The following GLP1R variants were observed in gnomAD, a reference collection of about 807,000 sequenced individuals.
The protein encoded by GLP1R is glucagon like peptide 1 receptor, also known as glucagon-like peptide 1 receptor.
Under a neutral mutation model 68.4 loss-of-function variants are expected in GLP1R, and 32 were observed. That is an observed-to-expected ratio of 0.47 (90% CI 0.35 to 0.63). The LOEUF (loss-of-function observed/expected upper bound fraction) is 0.63. GLP1R is among the 20% of genes least tolerant of loss of function. The pLI is 0.00. For missense variants in GLP1R, 502 were observed against 594.9 expected, an observed-to-expected ratio of 0.84 and a Z score of 1.62; for synonymous variants, 263 against 244.4, an observed-to-expected ratio of 1.08 and a Z score of -0.71.
chr6:39,066,382 A>G lies in GLP1R; in HGVS notation c.509+79A>G, dbSNP rs1768519460. The G allele has an allele frequency of 4.0e-6, 3 of 751,848 alleles. No individual in the cohort carries two copies. The Admixed American group carries it at 6.3e-5, about 16-fold the overall frequency. The allele number at this position is 751,848 out of a possible 1,614,324, so 46.6% of individuals were successfully genotyped here. ...AGAGGAATGAAGCAGCCCAACACCA[A>G]ATCAAAGCAACAGTGCAGCACATTC... is the stretch of plus-strand genomic sequence containing the variant. On this transcript the variant is annotated intron_variant, in intron 5 of 12. Transcript: ENST00000373256.
chr6:39,079,169 A>G lies in GLP1R; in HGVS notation c.1012A>G (p.Asn338Asp). The G allele has an allele frequency of 6.2e-7, 1 of 1,613,932 alleles. No homozygotes were observed. Residue 338 changes from asparagine to aspartate, a missense_variant, in exon 10 of 13, where the codon AAT (asparagine) becomes GAT (aspartate). Physicochemically the swap from Asn to Asp is conservative, Grantham distance 23 (BLOSUM62 1). Coordinates refer to ENST00000373256, the MANE Select transcript of GLP1R (RefSeq NM_002062.5). The surrounding 1 kb of genome is among the most constrained non-coding windows in gnomAD (Gnocchi z 4.5). ...CATCGTGGTATCCAAACTGAAGGCC[A>G]ATCTCATGTGCAAGACAGACATCAA... ...ICIVVSKLKANLMCKTDIKCR... is the reference protein window; with the variant it reads ...ICIVVSKLKADLMCKTDIKCR...
At chr6:39,078,531 C>T in intron 8 of GLP1R, 149 bp downstream of exon 8, 1 of 675,798 alleles carries the variant, frequency 1.5e-6, no homozygotes, top group Non-Finnish European at 2.7e-6. Context: ...CTAATCTCCC[C>T]TCCCTGCCCC....
chr6:39,085,406 C>T (rs1244510504), intron 12 of GLP1R, among the ~76,000 whole-genome samples: 2 of 152,198 alleles, frequency 1.3e-5, no homozygotes, highest in Non-Finnish European at 2.9e-5. Context: ...TTCCCTCCCT[C>T]CTCCCCTGTG....
chr6:39,078,594 G>A (rs1768899131), intron 8 of GLP1R, among the ~76,000 whole-genome samples: 1 of 152,174 alleles, frequency 6.6e-6, no homozygotes, highest in Admixed American at 6.5e-5. Flanking sequence ...ACGGAACTGG[G>A]TCTGTGGGGT....
intron 12 of GLP1R, among the ~76,000 whole-genome samples, 175 bp from the exon 13 acceptor site, chr6:39,085,731 G>C (rs1241836910): frequency 6.6e-6 from 1 of 152,194 alleles, no homozygotes; most frequent in Non-Finnish European, 1.5e-5. Context: ...GAAAATAGGA[G>C]ACAACAATAA....
chr6:39,057,747 C>T (rs17848985), intron 3 of GLP1R, among the ~76,000 whole-genome samples, 168 bp downstream of exon 3: 98 of 130,034 alleles, frequency 7.5e-4, no homozygotes, highest in African/African-American at 2.4e-3. Flanking sequence ...CTGCCCTGGG[C>T]CAGCAGTGGT....
At chr6:39,063,793 C>T (rs2150826209) in intron 3 of GLP1R, among the ~76,000 whole-genome samples, 1 of 152,030 alleles carries the variant, frequency 6.6e-6, no homozygotes, top group African/African-American at 2.4e-5. Flanking sequence ...TTGTCCCTGC[C>T]ACATTTTTTG....
At chr6:39,075,352 C>G (rs919488059) in intron 7 of GLP1R, among the ~76,000 whole-genome samples, 1 of 152,104 alleles carries the variant, frequency 6.6e-6, no homozygotes, top group African/African-American at 2.4e-5. Flanking sequence ...GGGACGGTGT[C>G]TGTCCATTCT....
Position 39,088,831 on chromosome 6 carries a change from AT to A in GLP1R, c.*2759del, listed in dbSNP as rs1470785278. On this transcript the variant is annotated 3_prime_UTR_variant, in exon 13 of 13. Transcript: ENST00000373256. ...CTCTGAGCAGAGAAAGACCTTGGTG[AT>A]CCCCCCTGGCCCGATCTATAGGATT... Among the ~76,000 whole-genome samples, 2 of 152,100 alleles carry A rather than the reference AT, an allele frequency of 1.3e-5. No individual in the cohort carries two copies. The highest frequency in any genetic ancestry group is 2.9e-5 in the Non-Finnish European group (2 of 68,022).
Position 39,086,117 on chromosome 6 carries a change from G to A in GLP1R, c.*44G>A, listed in dbSNP as rs1445078190. The stretch of plus-strand genomic sequence containing the variant: ...CCCTGGGGTCCTTGCTGCAGGCCGG[G>A]TGGCCAATCCAGGTGGGAGAGACAC... On this transcript the variant is annotated 3_prime_UTR_variant, in exon 13 of 13. Transcript: ENST00000373256. This position sits in a 1 kb window ranked among gnomAD's most constrained non-coding sequence, Gnocchi z 4.5. The A allele has an allele frequency of 2.5e-6, 4 of 1,583,636 alleles. No individual in the cohort carries two copies. Among genetic ancestry groups the A allele is most frequent in the African/African-American group, 2.7e-5 (2 of 74,096 alleles).
At chr6:39,056,262 G>T in intron 1 of GLP1R, 135 bp from the exon 2 acceptor site, 1 of 575,252 alleles carries the variant, frequency 1.7e-6, no homozygotes, top group South Asian at 2.2e-5. Context: ...CTCTCTTTCA[G>T]AGGTGGCTGA....
chr6:39,057,135 T>C (rs1768232514), intron 2 of GLP1R, among the ~76,000 whole-genome samples: 1 of 152,328 alleles, frequency 6.6e-6, no homozygotes, highest in East Asian at 1.9e-4. Flanking sequence ...AATTTAAGAA[T>C]AGGCCCATAG....
In GLP1R at chr6:39,049,340, C is replaced by T. The variant is rs1000184256; in HGVS notation, c.78+422C>T. ...CACAGTCTGACCCAGACCCCTCTCC[C>T]GCAGTGCCTCCCCAGACAATCCACC... On this transcript the variant is annotated intron_variant, in intron 1 of 12. Coordinates refer to ENST00000373256, the MANE Select transcript of GLP1R (RefSeq NM_002062.5). The surrounding 1 kb of genome is among the most constrained non-coding windows in gnomAD (Gnocchi z 4.5). 1.3e-5 allele frequency among the ~76,000 whole-genome samples: 2 copies of T among 152,196 alleles called. No homozygotes were observed. Among genetic ancestry groups the T allele is most frequent in the African/African-American group, 2.4e-5 (1 of 41,458 alleles).
chr6:39,050,929 T>C (rs1335493917), intron 1 of GLP1R, among the ~76,000 whole-genome samples: 1 of 152,048 alleles, frequency 6.6e-6, no homozygotes, highest in African/African-American at 2.4e-5. Context: ...AAGGGAGACC[T>C]CTGAGAGTGA....
chr6:39,085,771 C>A (rs1290062788), intron 12 of GLP1R, 135 bp from the exon 13 acceptor site: 6 of 772,986 alleles, frequency 7.8e-6, no homozygotes, highest in Non-Finnish European at 1.3e-5. Context: ...AATTTAGGAG[C>A]CCGAAGGCCT....
In GLP1R at chr6:39,055,732, G is replaced by A. The variant is rs1375135768; in HGVS notation, c.79-665G>A. ...AGGGGAGCACGGGGAGGGGGTGGGG[G>A]GTGCTGTGTTGAGTGCATCTGTAAG... On this transcript the variant is annotated intron_variant, in intron 1 of 12. Transcript: ENST00000373256. Among the ~76,000 whole-genome samples, 3 of 152,172 alleles carry A rather than the reference G, an allele frequency of 2.0e-5. No homozygotes were observed. The East Asian group carries it at 5.8e-4, about 29-fold the overall frequency.
chr6:39,060,380 G>A (rs900491965), intron 3 of GLP1R, among the ~76,000 whole-genome samples: 2 of 152,186 alleles, frequency 1.3e-5, no homozygotes, highest in African/African-American at 2.4e-5. Context: ...TAATGTTGGG[G>A]AGGGGTCATT....
Position 39,090,854 on chromosome 6 carries a change from G to A in GLP1R, c.*4781G>A, listed in dbSNP as rs776370408. Among the ~76,000 whole-genome samples the A allele has an allele frequency of 5.3e-5, 8 of 152,272 alleles. No homozygotes were observed. Among genetic ancestry groups the A allele is most frequent in the Admixed American group, 1.3e-4 (2 of 15,296 alleles). ...TTGAGTTCTTTGCAGGGGAGCCAAC[G>A]GGGGCATTGAGGGAAGGGCAAAATT... On this transcript the variant is annotated 3_prime_UTR_variant, in exon 13 of 13. Transcript: ENST00000373256.
intron 12 of GLP1R, among the ~76,000 whole-genome samples, chr6:39,082,702 C>T (rs1024881688): frequency 2.6e-5 from 4 of 152,130 alleles, no homozygotes; most frequent in South Asian, 2.1e-4. Flanking sequence ...CTGGGTGATG[C>T]GCTACCCAGC....
Sources: gnomAD v4.1 joint callset for allele counts (sites outside exome capture counted in the v4.1 genomes callset) on GRCh38, gnomAD v4.1.1 for gene constraint, Gnocchi (gnomAD v3.1) non-coding constraint, MANE v1.5 for transcripts, NCBI Gene and HGNC (gene_info 2026-07-23, HGNC 2026-07-21) for gene names.